DOCK3: variants seen among roughly 807,000 people sequenced by gnomAD.
The protein encoded by DOCK3 is dedicator of cytokinesis protein 3.
A neutral mutation model predicts 265.6 loss-of-function variants in DOCK3; 60 were observed. The observed-to-expected ratio is 0.23, with a 90% CI of 0.18 to 0.28. DOCK3 has a LOEUF of 0.28. DOCK3 is among the 10% of genes least tolerant of loss of function. DOCK3 has a pLI of 1.00. For missense variants in DOCK3, 1,981 were observed against 2,594.3 expected (o/e 0.76, Z 5.14); for synonymous variants, 881 against 938.0 (o/e 0.94, Z 1.11).
At chr3:50,765,923 CA>C (rs1210682405) in intron 1 of DOCK3, among the ~76,000 whole-genome samples, 1 of 152,120 alleles carries the variant, frequency 6.6e-6, no homozygotes, top group Non-Finnish European at 1.5e-5. Context: ...ATCCCTTAAC[CA>C]CCCCCAGCCC....
At chr3:50,761,612 A>G (rs1308338725) in intron 1 of DOCK3, among the ~76,000 whole-genome samples, 1 of 152,166 alleles carries the variant, frequency 6.6e-6, no homozygotes, top group Non-Finnish European at 1.5e-5. Flanking sequence ...CCCAAGGGAA[A>G]AATTACCCTC....
intron 1 of DOCK3, among the ~76,000 whole-genome samples, chr3:50,707,595 G>T (rs1169564109): frequency 6.6e-6 from 1 of 152,210 alleles, no homozygotes; most frequent in Non-Finnish European, 1.5e-5. Context: ...AAACTGCGGT[G>T]AGTCTTTGGT....
At chr3:50,889,969 A>T in intron 3 of DOCK3, 57 bp from the exon 4 acceptor site, 3 of 1,301,954 alleles carry the variant, frequency 2.3e-6, no homozygotes, top group Non-Finnish European at 3.0e-6. Flanking sequence ...TTTTGTATAT[A>T]TGAAATGTTA....
At chr3:50,821,724 A>G (rs2044444413) in intron 2 of DOCK3, among the ~76,000 whole-genome samples, 1 of 152,226 alleles carries the variant, frequency 6.6e-6, no homozygotes, top group African/African-American at 2.4e-5. Flanking sequence ...TAGGCTAACC[A>G]TTCCAGCACC....
chr3:50,887,752 A>G (rs1292710965), intron 3 of DOCK3, among the ~76,000 whole-genome samples: 1 of 137,348 alleles, frequency 7.3e-6, no homozygotes, highest in Non-Finnish European at 1.5e-5. Context: ...AAACAGAACC[A>G]ATGATAAAAA....
intron 9 of DOCK3, among the ~76,000 whole-genome samples, chr3:51,145,773 C>T (rs1194355340): frequency 6.6e-6 from 1 of 152,058 alleles, no homozygotes; most frequent in Admixed American, 6.6e-5. Flanking sequence ...ATGTTTTTGG[C>T]ACCAGTGACC....
chr3:51,005,367 A>G (rs1406847214), intron 5 of DOCK3, among the ~76,000 whole-genome samples: 4 of 152,076 alleles, frequency 2.6e-5, no homozygotes, highest in Non-Finnish European at 5.9e-5. Context: ...TTTTCTGTTT[A>G]TACCCAATCC....
chr3:50,680,052 A>C (rs1159630947), intron 1 of DOCK3, among the ~76,000 whole-genome samples: 1 of 152,184 alleles, frequency 6.6e-6, no homozygotes, highest in Non-Finnish European at 1.5e-5. Context: ...TGAGATTCTA[A>C]GCCACAGATT....
rs72950004 is a variant in DOCK3, at chr3:51,177,276, A to G, written c.1037+16574A>G. Among the ~76,000 whole-genome samples, 946 of 152,334 alleles carry G rather than the reference A, an allele frequency of 6.2e-3. 10 individuals are homozygous for G. The highest frequency in any genetic ancestry group is 0.021 in the African/African-American group (890 of 41,576). ...GAAACAATAACCAAAAATGCTAGAGATAGATACCATATCACAGGCTCTACA... is the reference window on the plus strand; with the variant it reads ...GAAACAATAACCAAAAATGCTAGAGGTAGATACCATATCACAGGCTCTACA... On this transcript the variant is annotated intron_variant, in intron 12 of 52. Transcript: ENST00000266037.
At chr3:50,973,689 T>C (rs1309744332) in intron 5 of DOCK3, among the ~76,000 whole-genome samples, 1 of 104,570 alleles carries the variant, frequency 9.6e-6, no homozygotes, top group African/African-American at 3.9e-5. Context: ...GTATTTCTAG[T>C]TCTAGATCCC....
chr3:50,722,331 A>G (rs1005774829), intron 1 of DOCK3, among the ~76,000 whole-genome samples: 1 of 152,214 alleles, frequency 6.6e-6, no homozygotes, highest in Non-Finnish European at 1.5e-5. Flanking sequence ...TGAAGCAGAG[A>G]GAGGTTATGA....
intron 1 of DOCK3, among the ~76,000 whole-genome samples, chr3:50,690,070 A>G (rs548357662): frequency 2.7e-5 from 4 of 150,350 alleles, no homozygotes; most frequent in South Asian, 4.2e-4. Context: ...CTTTTCCCCT[A>G]TGGTTGTTTA....
chr3:50,966,359 T>C (rs911227867), intron 5 of DOCK3, among the ~76,000 whole-genome samples: 1 of 152,176 alleles, frequency 6.6e-6, no homozygotes, highest in Non-Finnish European at 1.5e-5. Flanking sequence ...ATGATAGTTC[T>C]GTTTTAATTT....
intron 5 of DOCK3, among the ~76,000 whole-genome samples, chr3:50,942,946 A>C (rs756647073): frequency 2.0e-5 from 3 of 152,030 alleles, no homozygotes; most frequent in Non-Finnish European, 4.4e-5. Context: ...AAAATATTCC[A>C]TTAATAATTT....
At position 50,963,249 on chromosome 3, in the gene DOCK3, C is replaced by T. The variant is rs78657447; in HGVS notation, c.315+29172C>T. Among the ~76,000 whole-genome samples, 1,164 of 152,294 alleles carry T rather than the reference C, an allele frequency of 7.6e-3. 130 individuals carry two copies. The East Asian group carries it at 0.2, about 26-fold the overall frequency. ...CAAAACATTATAATGTATATCCAGA[C>T]CATCTTACCTGTAAGTCTTGTTTCT... On this transcript the variant is annotated intron_variant, in intron 5 of 52. Coordinates refer to ENST00000266037, the MANE Select transcript of DOCK3 (RefSeq NM_004947.5).
chr3:51,060,185 A>AT (rs1255683580), intron 5 of DOCK3, among the ~76,000 whole-genome samples: 1 of 28,486 alleles, frequency 3.5e-5, no homozygotes, highest in Admixed American at 3.2e-4. Context: ...TCTATTGCAT[A>AT]TAAAAAAAAA....
chr3:51,299,313 T>TTA (rs928455468), intron 27 of DOCK3, among the ~76,000 whole-genome samples: 9 of 152,180 alleles, frequency 5.9e-5, no homozygotes, highest in Non-Finnish European at 1.3e-4. Context: ...ATTCTGGATA[T>TTA]TAGACCTTTG....
At chr3:51,284,405 C>T (rs1178636907) in intron 27 of DOCK3, among the ~76,000 whole-genome samples, 1 of 152,102 alleles carries the variant, frequency 6.6e-6, no homozygotes, top group African/African-American at 2.4e-5. Flanking sequence ...AGTTACCTCC[C>T]GAAGGACTCC....
chr3:51,216,411 G>T (rs146197339), intron 14 of DOCK3, among the ~76,000 whole-genome samples: 2 of 152,128 alleles, frequency 1.3e-5, no homozygotes, highest in African/African-American at 2.4e-5. Flanking sequence ...TCCCTCCTCC[G>T]GGCAGCTAAG....
Sources: allele counts gnomAD v4.1 joint callset (sites outside exome capture counted in the v4.1 genomes callset), GRCh38; gene constraint gnomAD v4.1.1; transcripts MANE v1.5; gene names NCBI Gene and HGNC (gene_info 2026-07-23, HGNC 2026-07-21).